Variants in LARGE1 observed in about 807,000 individuals in gnomAD.
The protein encoded by LARGE1 is xylosyl- and glucuronyltransferase LARGE1.
LARGE1 carries 43 observed loss-of-function variants against 87.6 expected under a neutral mutation model. That is an observed-to-expected ratio of 0.49 (90% CI 0.38 to 0.63). The LOEUF (loss-of-function observed/expected upper bound fraction) is 0.63, where lower values mean the gene tolerates loss of function less well. Among genes scored for constraint, LARGE1 ranks in the 30% least tolerant of loss-of-function variants. LARGE1 has a pLI of 0.00. For synonymous variants in LARGE1, 434 were observed against 394.6 expected, an observed-to-expected ratio of 1.10 and a Z score of -1.18; for missense variants, 802 against 1,000.2, an observed-to-expected ratio of 0.80 and a Z score of 2.67.
At chr22:33,409,374 C>A (rs9609780) in intron 7 of LARGE1, among the ~76,000 whole-genome samples, 1 of 152,068 alleles carries the variant, frequency 6.6e-6, no homozygotes, top group Non-Finnish European at 1.5e-5. Flanking sequence ...AGGTCAGGAT[C>A]CAGGCAACAA....
intron 6 of LARGE1, among the ~76,000 whole-genome samples, chr22:33,539,876 G>A (rs982626110): frequency 1.8e-4 from 27 of 152,082 alleles, no homozygotes; most frequent in African/African-American, 6.3e-4. Context: ...CACTGCACCC[G>A]GCCCTCTAAT....
intron 9 of LARGE1, among the ~76,000 whole-genome samples, chr22:33,349,763 G>A (rs16992192): frequency 0.01 from 1,579 of 152,270 alleles, 10 homozygotes; most frequent in South Asian, 0.017. Flanking sequence ...TTTTGCCACA[G>A]TGCAGTCTAG....
At chr22:33,156,218 G>A in the LARGE1 span, among the ~76,000 whole-genome samples, 9 of 152,240 alleles carry the variant, frequency 5.9e-5, no homozygotes, top group Non-Finnish European at 1.0e-4. Flanking sequence ...TGAGAAGAGG[G>A]CCCAGCATCC....
chr22:33,715,100 A>G (rs1339175532), intron 2 of LARGE1, among the ~76,000 whole-genome samples: 1 of 152,222 alleles, frequency 6.6e-6, no homozygotes, highest in African/African-American at 2.4e-5. Flanking sequence ...CTTGGGCTAG[A>G]AAGAATCAGA....
At chr22:33,178,319 A>C (rs1478778030) in intron 11 of LARGE1, among the ~76,000 whole-genome samples, 2 of 152,116 alleles carry the variant, frequency 1.3e-5, no homozygotes, top group African/African-American at 4.8e-5. Context: ...CTGCACAACC[A>C]TTAAGGCCAC....
intron 1 of LARGE1, among the ~76,000 whole-genome samples, chr22:33,763,611 A>C (rs1195123821): frequency 6.6e-6 from 1 of 152,180 alleles, no homozygotes; most frequent in Non-Finnish European, 1.5e-5. Flanking sequence ...ATGTGGGTTC[A>C]AGCCCAGATG....
intron 6 of LARGE1, among the ~76,000 whole-genome samples, chr22:33,493,339 T>G (rs1015796757): frequency 3.3e-5 from 5 of 151,948 alleles, no homozygotes; most frequent in Admixed American, 2.6e-4. Flanking sequence ...TTTTGTATTT[T>G]TAGTAGAGAC....
intron 1 of LARGE1, among the ~76,000 whole-genome samples, chr22:33,884,087 A>C (rs543010631): frequency 6.6e-6 from 1 of 152,294 alleles, no homozygotes; most frequent in East Asian, 1.9e-4. Flanking sequence ...CAATGAGAAA[A>C]ATAAAGACTT....
At chr22:33,907,839 C>T (rs2065502156) in intron 1 of LARGE1, among the ~76,000 whole-genome samples, 1 of 152,284 alleles carries the variant, frequency 6.6e-6, no homozygotes, top group Admixed American at 6.5e-5. Context: ...CCTCGTGATC[C>T]ACCCGCCTCG....
At chr22:33,571,706 C>T (rs1170088691) in intron 5 of LARGE1, among the ~76,000 whole-genome samples, 4 of 152,108 alleles carry the variant, frequency 2.6e-5, no homozygotes, top group Non-Finnish European at 5.9e-5. Flanking sequence ...TATTGAAACT[C>T]CTCCTACCAA....
downstream of LARGE1, among the ~76,000 whole-genome samples, chr22:33,159,330 A>G (rs987643960): frequency 6.6e-6 from 1 of 152,244 alleles, no homozygotes; most frequent in Non-Finnish European, 1.5e-5. Context: ...GTCTTTGACA[A>G]AAGCAAAATA....
At chr22:33,516,584 CTATTAT>C (rs141343639) in intron 6 of LARGE1, among the ~76,000 whole-genome samples, 8 of 151,448 alleles carry the variant, frequency 5.3e-5, no homozygotes, top group East Asian at 3.9e-4. Flanking sequence ...CAACTTCCTC[CTATTAT>C]TATTATTATT....
chr22:33,456,504 G>A (rs1374148112), intron 6 of LARGE1, among the ~76,000 whole-genome samples: 1 of 152,186 alleles, frequency 6.6e-6, no homozygotes, highest in Non-Finnish European at 1.5e-5. Flanking sequence ...CATGGAATAA[G>A]GCTAAACATC....
chr22:33,620,725 C>T (rs970752897), intron 4 of LARGE1, among the ~76,000 whole-genome samples: 3 of 152,100 alleles, frequency 2.0e-5, no homozygotes, highest in Non-Finnish European at 4.4e-5. Context: ...ACTTCCAGAC[C>T]AGCCAGGCTA....
intron 11 of LARGE1, among the ~76,000 whole-genome samples, chr22:33,181,906 C>T (rs1432405414): frequency 6.7e-6 from 1 of 149,336 alleles, no homozygotes; most frequent in African/African-American, 2.5e-5. Context: ...TCTCGGCCGC[C>T]TCAGCCTCCC....
chr22:33,197,004 C>T (rs569867245), intron 11 of LARGE1, among the ~76,000 whole-genome samples: 1 of 152,180 alleles, frequency 6.6e-6, no homozygotes, highest in African/African-American at 2.4e-5. Context: ...GTTAGATTAA[C>T]ATTTGAAAAT....
chr22:33,920,628 C>A (rs1358215806), upstream of LARGE1, among the ~76,000 whole-genome samples: 5 of 143,916 alleles, frequency 3.5e-5, no homozygotes, highest in African/African-American at 1.2e-4. Flanking sequence ...GGGCCGGGGG[C>A]GCGGGGCTAG....
At chr22:33,750,493 C>T (rs925792169) in intron 2 of LARGE1, 4 of 152,092 alleles carry the variant, frequency 2.6e-5, no homozygotes, top group South Asian at 4.1e-4. Flanking sequence ...TAAATAGAAA[C>T]GATTGCTACA....
intron 6 of LARGE1, among the ~76,000 whole-genome samples, chr22:33,458,534 C>T (rs930605595): frequency 3.9e-5 from 6 of 152,040 alleles, no homozygotes; most frequent in African/African-American, 1.4e-4. Context: ...CGGGTTCAAG[C>T]TATTCTCCAG....
Sources: allele counts gnomAD v4.1 joint callset (sites outside exome capture counted in the v4.1 genomes callset), GRCh38; gene constraint gnomAD v4.1.1; transcripts MANE v1.5; gene names NCBI Gene and HGNC (gene_info 2026-07-23, HGNC 2026-07-21).